Variants in LY86 observed in about 807,000 individuals in gnomAD.
The protein encoded by LY86 is lymphocyte antigen 86, also known as MD-1, RP105-associated.
Under a neutral mutation model 17.3 loss-of-function variants are expected in LY86, and 20 were observed. That is an observed-to-expected ratio of 1.15 (90% confidence interval 0.81 to 1.68). LY86 has a LOEUF of 1.68. Among genes scored for constraint, LY86 ranks in the 40% most tolerant of loss-of-function variants. The pLI, the probability that LY86 is intolerant of heterozygous loss-of-function variation, is 0.00. For synonymous variants in LY86, 74 were observed against 70.6 expected (o/e 1.05, Z -0.24); for missense variants, 200 against 191.9 (o/e 1.04, Z -0.25).
intron 1 of LY86, among the ~76,000 whole-genome samples, chr6:6,612,352 C>T (rs187281044): frequency 1.2e-4 from 18 of 152,340 alleles, no homozygotes; most frequent in African/African-American, 2.9e-4. Context: ...CATTACACTT[C>T]TTAAGGTGAT....
At chr6:6,644,808 G>T (rs1187663728) in intron 3 of LY86, among the ~76,000 whole-genome samples, 1 of 152,162 alleles carries the variant, frequency 6.6e-6, no homozygotes, top group Non-Finnish European at 1.5e-5. Context: ...TATAGTCCTG[G>T]AGTGTGAGAA....
At chr6:6,607,679 C>CT (rs1761223640) in intron 1 of LY86, among the ~76,000 whole-genome samples, 1 of 149,028 alleles carries the variant, frequency 6.7e-6, no homozygotes, top group African/African-American at 2.5e-5. Context: ...GCAGGTAGAT[C>CT]ACCTGAGGTC....
chr6:6,613,763 C>G (rs372211587), intron 1 of LY86, among the ~76,000 whole-genome samples: 1 of 152,212 alleles, frequency 6.6e-6, no homozygotes, highest in Non-Finnish European at 1.5e-5. Flanking sequence ...GAGGAGGCCC[C>G]AAGAGCGAGC....
intron 1 of LY86, among the ~76,000 whole-genome samples, chr6:6,595,352 G>A (rs181769221): frequency 1.9e-5 from 2 of 104,656 alleles, no homozygotes; most frequent in African/African-American, 6.0e-5. Flanking sequence ...AGAAGCAGGA[G>A]AGGAGAAGGG....
chr6:6,623,466 G>A lies in LY86; in HGVS notation c.137-1460G>A, dbSNP rs115211261. On this transcript the variant is annotated intron_variant, in intron 1 of 4. Transcript: ENST00000230568. ...ACTCCCAGCAAGTACTCACGAAGGA[G>A]CAAGTCCCTTCTTCGACTCCAGCCT... Among the ~76,000 whole-genome samples, 64 of 152,334 alleles carry A rather than the reference G, an allele frequency of 4.2e-4. 1 individual carries two copies. The highest frequency in any genetic ancestry group is 1.5e-3 in the African/African-American group (63 of 41,574).
intron 3 of LY86, among the ~76,000 whole-genome samples, chr6:6,628,588 C>T (rs1358542828): frequency 2.0e-5 from 3 of 152,016 alleles, no homozygotes; most frequent in Non-Finnish European, 4.4e-5. Context: ...CTTCCTCTAG[C>T]CCCAACAGAT....
chr6:6,652,365 C>G (rs1025658950), intron 4 of LY86, among the ~76,000 whole-genome samples: 1 of 152,040 alleles, frequency 6.6e-6, no homozygotes, highest in African/African-American at 2.4e-5. Flanking sequence ...AAAGACGTAC[C>G]CCATATCCCC....
At chr6:6,647,037 C>T (rs1332260719) in intron 3 of LY86, among the ~76,000 whole-genome samples, 1 of 152,202 alleles carries the variant, frequency 6.6e-6, no homozygotes, top group Non-Finnish European at 1.5e-5. Context: ...CACAGGCACT[C>T]GCCATCTAGT....
rs540840468 is a variant in LY86 at position 6,603,632 on chromosome 6, A to AACACACAC, written c.136+14778_136+14785dup. Among the ~76,000 whole-genome samples, 758 of 135,848 alleles carry AACACACAC rather than the reference A, an allele frequency of 5.6e-3. 10 individuals are homozygous for AACACACAC. Among genetic ancestry groups the AACACACAC allele is most frequent in the Middle Eastern group, 0.016 (4 of 250 alleles). 89.1% of individuals were successfully genotyped at this position (135,848 alleles called of 152,430 possible). On this transcript the variant is annotated intron_variant, in intron 1 of 4. Transcript: ENST00000230568. ...AAAAAAAACAAACAAAAAAAAACAA[A>AACACACAC]ACACACACACACACACACACACAGA...
chr6:6,636,343 A>C (rs1431964423), intron 3 of LY86, among the ~76,000 whole-genome samples: 3 of 152,256 alleles, frequency 2.0e-5, no homozygotes, highest in Non-Finnish European at 2.9e-5. Flanking sequence ...TGGGATAGTC[A>C]TAAGGATAAA....
intron 1 of LY86, among the ~76,000 whole-genome samples, chr6:6,614,282 A>G (rs1004832381): frequency 2.2e-4 from 33 of 152,182 alleles, no homozygotes; most frequent in African/African-American, 8.0e-4. Context: ...CAGACCGCAA[A>G]GGGAGGTAAA....
rs551165696 is a variant in LY86, at chr6:6,647,431, A to G, written c.353-2194A>G. On this transcript the variant is annotated intron_variant, in intron 3 of 4. Transcript: ENST00000230568. ...TTTTTCTTTTGCTCCCTCTTATAAC[A>G]AAACTCTTAATTCCTCACCTCCTTA... 2.0e-5 allele frequency among the ~76,000 whole-genome samples: 3 copies of G among 152,174 alleles called. No individual in the cohort carries two copies. In the East Asian group the frequency reaches 5.8e-4, roughly 29 times the overall value.
chr6:6,610,725 T>A (rs1761311129), intron 1 of LY86, among the ~76,000 whole-genome samples: 1 of 152,116 alleles, frequency 6.6e-6, no homozygotes. Flanking sequence ...TGTGTGTATT[T>A]AAGGGCTGCA....
chr6:6,603,626 AAAC>A (rs1205408813), intron 1 of LY86, among the ~76,000 whole-genome samples: 2 of 134,834 alleles, frequency 1.5e-5, no homozygotes, highest in African/African-American at 5.5e-5. Flanking sequence ...AAACAAAAAA[AAAC>A]AAAACACACA....
intron 4 of LY86, among the ~76,000 whole-genome samples, chr6:6,652,792 C>G (rs1429524123): frequency 6.6e-6 from 1 of 152,182 alleles, no homozygotes. Flanking sequence ...ATATTCTTAT[C>G]TCTTATACCA....
At chr6:6,601,896 G>A (rs367966997) in intron 1 of LY86, among the ~76,000 whole-genome samples, 1 of 152,094 alleles carries the variant, frequency 6.6e-6, no homozygotes, top group Non-Finnish European at 1.5e-5. Flanking sequence ...TCATCTAGAG[G>A]TGCAGCCTCC....
intron 1 of LY86, among the ~76,000 whole-genome samples, chr6:6,603,901 CTA>C (rs879936924): frequency 3.3e-5 from 5 of 152,022 alleles, no homozygotes; most frequent in Admixed American, 6.5e-5. Context: ...AAGAAAAACA[CTA>C]TTAGGCAAAA....
At chr6:6,625,845 C>T (rs1761774879) in intron 2 of LY86, among the ~76,000 whole-genome samples, 1 of 152,108 alleles carries the variant, frequency 6.6e-6, no homozygotes, top group Non-Finnish European at 1.5e-5. Context: ...AATTGGAAGC[C>T]ACCACCATGG....
intron 3 of LY86, among the ~76,000 whole-genome samples, chr6:6,638,539 C>A (rs528461103): frequency 1.3e-5 from 2 of 152,312 alleles, no homozygotes; most frequent in Middle Eastern, 3.4e-3. Flanking sequence ...TTTCAAGCTC[C>A]TAATAGCCAC....
Sources: gnomAD v4.1 joint callset for allele counts (sites outside exome capture counted in the v4.1 genomes callset) on GRCh38, gnomAD v4.1.1 for gene constraint, MANE v1.5 for transcripts, NCBI Gene and HGNC (gene_info 2026-07-23, HGNC 2026-07-21) for gene names.